The following PDE1A variants were observed in gnomAD, a reference collection of about 807,000 sequenced individuals.
PDE1A encodes the protein dual specificity calcium/calmodulin-dependent 3',5'-cyclic nucleotide phosphodiesterase 1A.
Under a neutral mutation model 61.7 loss-of-function variants are expected in PDE1A, and 35 were observed. That is an observed-to-expected ratio of 0.57 (90% CI 0.43 to 0.75). PDE1A has a LOEUF of 0.75. Among genes scored for constraint, PDE1A ranks in the 30% least tolerant of loss-of-function variants. The pLI is 0.00. For synonymous variants in PDE1A, 232 were observed against 213.2 expected (o/e 1.09, Z -0.77); for missense variants, 597 against 630.6 (o/e 0.95, Z 0.57).
chr2:182,318,522 T>C (rs892771115), intron 1 of PDE1A, among the ~76,000 whole-genome samples: 1 of 152,138 alleles, frequency 6.6e-6, no homozygotes, highest in African/African-American at 2.4e-5. Context: ...GATAGCATTG[T>C]TAGGAGGTGC....
At chr2:182,247,052 A>T (rs2125714186) in intron 2 of PDE1A, among the ~76,000 whole-genome samples, 1 of 152,370 alleles carries the variant, frequency 6.6e-6, no homozygotes, top group East Asian at 1.9e-4. Context: ...ATATAATCAA[A>T]TTTATTGCTG....
chr2:182,223,194 T>C (rs780526171), intron 7 of PDE1A, among the ~76,000 whole-genome samples: 27 of 151,920 alleles, frequency 1.8e-4, no homozygotes, highest in Non-Finnish European at 1.8e-4. Context: ...AAAAAGGGTG[T>C]TGTCTGTAAG....
intron 13 of PDE1A, among the ~76,000 whole-genome samples, chr2:182,182,549 T>G (rs559277950): frequency 6.6e-6 from 1 of 152,134 alleles, no homozygotes; most frequent in South Asian, 2.1e-4. Context: ...TGTAGCAGAG[T>G]AATCCTTTTG....
At chr2:182,234,209 C>CATAT (rs112859012) in intron 4 of PDE1A, among the ~76,000 whole-genome samples, 22 of 151,942 alleles carry the variant, frequency 1.4e-4, no homozygotes, top group Admixed American at 6.6e-4. Context: ...TACAAACATG[C>CATAT]ATATATATAT....
the PDE1A span, among the ~76,000 whole-genome samples, chr2:182,645,515 A>G: frequency 6.6e-6 from 1 of 152,176 alleles, no homozygotes; most frequent in African/African-American, 2.4e-5. Context: ...GCCAGAGAAC[A>G]CTTATCTTTT....
chr2:182,222,842 T>G (rs1431011829), intron 7 of PDE1A, among the ~76,000 whole-genome samples: 4 of 151,972 alleles, frequency 2.6e-5, no homozygotes, highest in African/African-American at 9.7e-5. Flanking sequence ...GCATCCTGAC[T>G]AGTAAAAGAG....
At chr2:182,158,567 T>C (rs1046961365) in intron 13 of PDE1A, among the ~76,000 whole-genome samples, 15 of 152,322 alleles carry the variant, frequency 9.8e-5, no homozygotes, top group African/African-American at 3.1e-4. Context: ...ATGAATCCCA[T>C]GTCCAGAGTG....
At chr2:182,176,053 T>C (rs1692739714) in intron 13 of PDE1A, among the ~76,000 whole-genome samples, 1 of 149,514 alleles carries the variant, frequency 6.7e-6, no homozygotes, top group South Asian at 2.1e-4. Flanking sequence ...TATCTCTGTT[T>C]TGGTACCAGT....
the PDE1A span, among the ~76,000 whole-genome samples, chr2:182,597,167 A>T: frequency 1.3e-5 from 2 of 151,918 alleles, no homozygotes; most frequent in Non-Finnish European, 2.9e-5. Context: ...TTAAAAAAAA[A>T]AAATTTTTTT....
chr2:182,214,533 A>C (rs1482478922), intron 7 of PDE1A, among the ~76,000 whole-genome samples: 3 of 151,958 alleles, frequency 2.0e-5, no homozygotes, highest in Non-Finnish European at 4.4e-5. Flanking sequence ...TCACATGCAG[A>C]GACACACATA....
chr2:182,355,752 A>G (rs544363771), intron 1 of PDE1A, among the ~76,000 whole-genome samples: 1 of 152,294 alleles, frequency 6.6e-6, no homozygotes, highest in African/African-American at 2.4e-5. Flanking sequence ...TGCTGTTTCT[A>G]TGACAACTCA....
chr2:182,539,535 T>A, the PDE1A span, among the ~76,000 whole-genome samples: 3 of 152,228 alleles, frequency 2.0e-5, no homozygotes, highest in East Asian at 5.8e-4. Flanking sequence ...ATAGTTTCTA[T>A]CCTAACTTAA....
chr2:182,648,702 TAAA>T, the PDE1A span, among the ~76,000 whole-genome samples: 1 of 122,912 alleles, frequency 8.1e-6, no homozygotes. Flanking sequence ...CCTGTCTCTT[TAAA>T]AAAAAAAAAA....
the PDE1A span, among the ~76,000 whole-genome samples, chr2:182,549,101 T>C: frequency 6.6e-6 from 1 of 152,188 alleles, no homozygotes; most frequent in Non-Finnish European, 1.5e-5. Flanking sequence ...ATAGAAGTTT[T>C]GAATCCCTCA....
At chr2:182,553,931 A>G in the PDE1A span, among the ~76,000 whole-genome samples, 3 of 152,234 alleles carry the variant, frequency 2.0e-5, no homozygotes, top group Non-Finnish European at 4.4e-5. Context: ...GAGACTTTAG[A>G]CAGTCAAGGC....
the PDE1A span, among the ~76,000 whole-genome samples, chr2:182,664,475 G>A: frequency 3.3e-5 from 5 of 152,122 alleles, no homozygotes; most frequent in Non-Finnish European, 7.4e-5. Flanking sequence ...AGTGGCAGAA[G>A]GATAACTAAA....
chr2:182,408,805 G>A (rs564370729), intron 1 of PDE1A, among the ~76,000 whole-genome samples: 1 of 152,270 alleles, frequency 6.6e-6, no homozygotes, highest in East Asian at 1.9e-4. Flanking sequence ...CAACACCATG[G>A]CCTTTGCTCA....
At chr2:182,671,918 C>T in the PDE1A span, among the ~76,000 whole-genome samples, 1 of 152,074 alleles carries the variant, frequency 6.6e-6, no homozygotes, top group African/African-American at 2.4e-5. Context: ...CGTGCCCGGC[C>T]GTGACTTTCT....
At chr2:182,447,150 T>C (rs953150065) in intron 2 of PDE1A, among the ~76,000 whole-genome samples, 4 of 148,358 alleles carry the variant, frequency 2.7e-5, no homozygotes, top group Non-Finnish European at 6.0e-5. Flanking sequence ...CAAACACACA[T>C]ACTCTATTCA....
Sources: gnomAD v4.1 joint callset for allele counts (sites outside exome capture counted in the v4.1 genomes callset) on GRCh38, gnomAD v4.1.1 for gene constraint, MANE v1.5 for transcripts, NCBI Gene and HGNC (gene_info 2026-07-23, HGNC 2026-07-21) for gene names.